Variants in VGLL4 observed in about 807,000 individuals in gnomAD.
The protein encoded by VGLL4 is transcription cofactor vestigial-like protein 4.
In VGLL4, 7 loss-of-function variants were observed where a neutral mutation model predicts 21.0. The ratio of observed to expected loss-of-function variants is 0.33; its 90% CI spans 0.19 to 0.63. VGLL4 has a LOEUF of 0.63. Ranked by LOEUF, VGLL4 falls within the 20% of genes least tolerant of loss-of-function variation. VGLL4 has a pLI of 0.78. For synonymous variants in VGLL4, 222 were observed against 173.2 expected, an observed-to-expected ratio of 1.28 and a Z score of -2.21; for missense variants, 394 against 425.7, an observed-to-expected ratio of 0.93 and a Z score of 0.66.
chr3:11,659,304 GTTTTC>G (rs1559928542), intron 2 of VGLL4, among the ~76,000 whole-genome samples: 1 of 133,098 alleles, frequency 7.5e-6, no homozygotes, highest in African/African-American at 2.8e-5. Context: ...TTTTTTTTCT[GTTTTC>G]TTTTCTTTTT....
intron 2 of VGLL4, among the ~76,000 whole-genome samples, chr3:11,655,870 G>T (rs985844665): frequency 1.3e-5 from 2 of 152,158 alleles, no homozygotes; most frequent in Admixed American, 6.5e-5. Context: ...ATTCACATCC[G>T]TGCTGTTTTG....
At chr3:11,672,114 T>C (rs1403202806) in intron 2 of VGLL4, among the ~76,000 whole-genome samples, 1 of 152,230 alleles carries the variant, frequency 6.6e-6, no homozygotes, top group Non-Finnish European at 1.5e-5. Context: ...GTTGTGGAAT[T>C]AGGAAACCAA....
At chr3:11,631,602 C>T (rs187141645) in intron 1 of VGLL4, among the ~76,000 whole-genome samples, 141 of 152,276 alleles carry the variant, frequency 9.3e-4, no homozygotes, top group African/African-American at 3.3e-3. Flanking sequence ...TGCACCGTAA[C>T]TGCTATAAAG....
At chr3:11,720,273 T>A (rs1422609911) in intron 1 of VGLL4, 1 of 150,782 alleles carries the variant, frequency 6.6e-6, no homozygotes, top group Non-Finnish European at 1.5e-5. Context: ...CGGTTCGCCG[T>A]CCACACCCGC....
At chr3:11,642,430 T>G (rs1307865958) in intron 1 of VGLL4, among the ~76,000 whole-genome samples, 1 of 152,210 alleles carries the variant, frequency 6.6e-6, no homozygotes, top group East Asian at 1.9e-4. Flanking sequence ...CCCAAGTTTT[T>G]GTAACTGTTT....
intron 2 of VGLL4, among the ~76,000 whole-genome samples, chr3:11,601,444 C>A (rs1181924266): frequency 6.6e-6 from 1 of 152,162 alleles, no homozygotes; most frequent in Admixed American, 6.5e-5. Context: ...CTGAGCTTCC[C>A]TTCTATTTGT....
chr3:11,630,305 C>G (rs991892593), intron 1 of VGLL4, among the ~76,000 whole-genome samples: 1 of 152,106 alleles, frequency 6.6e-6, no homozygotes, highest in Non-Finnish European at 1.5e-5. Context: ...AAATCCCCAC[C>G]AGAACTGAAA....
chr3:11,596,191 C>T (rs985278978), intron 2 of VGLL4, among the ~76,000 whole-genome samples: 1 of 152,038 alleles, frequency 6.6e-6, no homozygotes, highest in African/African-American at 2.4e-5. Context: ...ATGTTCATAT[C>T]TTACATACTC....
chr3:11,593,571 A>AAAAACAAAAC (rs57030582), intron 2 of VGLL4, among the ~76,000 whole-genome samples: 7 of 151,894 alleles, frequency 4.6e-5, no homozygotes, highest in East Asian at 1.9e-4. Flanking sequence ...AGGGCCAGGA[A>AAAAACAAAAC]AAAACAAAAC....
At chr3:11,617,173 G>T (rs2075177568) in intron 1 of VGLL4, among the ~76,000 whole-genome samples, 2 of 152,174 alleles carry the variant, frequency 1.3e-5, no homozygotes. Context: ...TTGAAAAACA[G>T]GCAGGATTTG....
chr3:11,713,216 G>A (rs1412652549), intron 1 of VGLL4, among the ~76,000 whole-genome samples: 2 of 152,154 alleles, frequency 1.3e-5, no homozygotes, highest in African/African-American at 4.8e-5. Flanking sequence ...CTTGGTGCTC[G>A]AACTGCTCAC....
chr3:11,707,166 T>A (rs529254874), intron 1 of VGLL4, among the ~76,000 whole-genome samples: 4 of 145,168 alleles, frequency 2.8e-5, no homozygotes, highest in East Asian at 4.0e-4. Context: ...AAAAAAAAAA[T>A]TTAAATAAAA....
intron 3 of VGLL4, among the ~76,000 whole-genome samples, chr3:11,561,873 A>T (rs999032518): frequency 3.5e-5 from 5 of 144,110 alleles, no homozygotes; most frequent in South Asian, 2.3e-4. Context: ...AGCAACCCCC[A>T]AGGCTGGCTG....
chr3:11,706,115 A>G (rs2076757851), intron 1 of VGLL4, among the ~76,000 whole-genome samples: 1 of 152,236 alleles, frequency 6.6e-6, no homozygotes, highest in Non-Finnish European at 1.5e-5. Flanking sequence ...ATGCACAGAA[A>G]CAAAATATCA....
At chr3:11,663,872 A>G (rs1277584073) in intron 2 of VGLL4, among the ~76,000 whole-genome samples, 3 of 152,268 alleles carry the variant, frequency 2.0e-5, no homozygotes, top group African/African-American at 7.2e-5. Flanking sequence ...GTAAGAAAAC[A>G]CATTTGTCAT....
At position 11,610,107 on chromosome 3, in the gene VGLL4, CCACAGCCCATGGCAACCGACTGACAT is replaced by C. The variant is rs551948751; in HGVS notation, c.83-8111_83-8086del. 566 of 152,396 alleles carry C rather than the reference CCACAGCCCATGGCAACCGACTGACAT, an allele frequency of 3.7e-3. 3 individuals carry two copies. Among genetic ancestry groups the C allele is most frequent in the Middle Eastern group, 0.02 (6 of 296 alleles). 9.4% of individuals were successfully genotyped at this position (152,396 alleles called of 1,614,324 possible). A position where few individuals can be genotyped will look rare whatever the true frequency, so the allele number is the denominator to read the frequency against. ...CACTGATGTGTCTCCTTCAGGCTGA[CCACAGCCCATGGCAACCGACTGACAT>C]CATGTCCTGGCGAGAGGGCACCCTG... On this transcript the variant is annotated intron_variant, in intron 1 of 4. Transcript: ENST00000430365.
intron 2 of VGLL4, among the ~76,000 whole-genome samples, chr3:11,697,348 C>T (rs983449375): frequency 6.6e-6 from 1 of 151,530 alleles, no homozygotes; most frequent in African/African-American, 2.4e-5. Context: ...CTCAAGCAAT[C>T]CTCCCTCCTC....
chr3:11,704,713 C>T (rs2076735177), intron 1 of VGLL4, among the ~76,000 whole-genome samples: 1 of 152,194 alleles, frequency 6.6e-6, no homozygotes, highest in South Asian at 2.1e-4. Flanking sequence ...CCTCCCCGTG[C>T]CTTTAATCTC....
At position 11,667,603 on chromosome 3, in the gene VGLL4, T is replaced by C. The variant is rs78246464; in HGVS notation, c.64+35368A>G. ...ACTACCAGTGTACAGGTGCTGCCCATAGAAAGGCCTCAATAAACATTTGTT... is the reference window on the plus strand; with the variant it reads ...ACTACCAGTGTACAGGTGCTGCCCACAGAAAGGCCTCAATAAACATTTGTT... On this transcript the variant is annotated intron_variant, in intron 2 of 5. Transcript: ENST00000273038. Among the ~76,000 whole-genome samples, 885 of 152,282 alleles carry C rather than the reference T, an allele frequency of 5.8e-3. 10 individuals carry two copies. The highest frequency in any genetic ancestry group is 0.02 in the African/African-American group (843 of 41,544).
Sources: gnomAD v4.1 joint callset for allele counts (sites outside exome capture counted in the v4.1 genomes callset) on GRCh38, gnomAD v4.1.1 for gene constraint, MANE v1.5 for transcripts, NCBI Gene and HGNC (gene_info 2026-07-23, HGNC 2026-07-21) for gene names.